DMXL2: variants seen among roughly 807,000 people sequenced by gnomAD.
DMXL2 encodes Dmx like 2.
A neutral mutation model predicts 331.1 loss-of-function variants in DMXL2; 103 were observed. The ratio of observed to expected loss-of-function variants is 0.31; its 90% CI spans 0.27 to 0.37. The LOEUF is 0.37. Among genes scored for constraint, DMXL2 ranks in the 10% least tolerant of loss-of-function variants. The pLI is 1.00. For missense variants in DMXL2, 3,171 were observed against 3,642.9 expected (o/e 0.87, Z 3.33); for synonymous variants, 1,281 against 1,252.1 (o/e 1.02, Z -0.49).
intron 15 of DMXL2, 81 bp from the exon 16 acceptor site, chr15:51,507,334 C>G (rs2046465096): frequency 4.6e-6 from 6 of 1,314,364 alleles, no homozygotes; most frequent in Non-Finnish European, 6.2e-6. Flanking sequence ...CTACCACCAC[C>G]TCTTGATATG....
intron 19 of DMXL2, among the ~76,000 whole-genome samples, chr15:51,493,833 A>G (rs527816277): frequency 1.3e-5 from 2 of 152,362 alleles, no homozygotes; most frequent in South Asian, 4.1e-4. Flanking sequence ...TCCAAATGGC[A>G]TAGATTGCTT....
intron 1 of DMXL2, among the ~76,000 whole-genome samples, chr15:51,599,402 G>T (rs987820095): frequency 6.6e-6 from 1 of 152,088 alleles, no homozygotes; most frequent in African/African-American, 2.4e-5. Flanking sequence ...AAATGTGTGT[G>T]TATGTTTATG....
At chr15:51,588,116 G>A (rs556537060) in intron 1 of DMXL2, among the ~76,000 whole-genome samples, 3 of 150,354 alleles carry the variant, frequency 2.0e-5, no homozygotes, top group Non-Finnish European at 3.0e-5. Flanking sequence ...CCATTCTGTA[G>A]GTCGCCTGTT....
intron 9 of DMXL2, among the ~76,000 whole-genome samples, chr15:51,541,684 A>C (rs1297059684): frequency 6.6e-6 from 1 of 152,132 alleles, no homozygotes; most frequent in African/African-American, 2.4e-5. Flanking sequence ...TTTATATAAA[A>C]CTTTATATAG....
chr15:51,456,217 G>A (rs1421516078), intron 38 of DMXL2, 24 bp from the exon 39 acceptor site: 4 of 1,604,062 alleles, frequency 2.5e-6, no homozygotes, highest in African/African-American at 1.3e-5. Context: ...GAAAAAGCAG[G>A]AAATAAGAAA....
rs76915085 is a variant in DMXL2, at chr15:51,578,691, T to C, written c.88-2510A>G. 2.6e-3 allele frequency among the ~76,000 whole-genome samples: 396 copies of C among 152,318 alleles called. 18 individuals are homozygous for C. In the East Asian group the frequency reaches 0.062, roughly 24 times the overall value. ...ATATATACAAAAGTTTGCCAAAATA[T>C]ATGTAGGACATTCAGAGCCTCAGTA... On this transcript the variant is annotated intron_variant, in intron 1 of 43. Transcript: ENST00000560891.
chr15:51,513,895 T>C (rs2046893300), intron 15 of DMXL2, among the ~76,000 whole-genome samples: 1 of 152,158 alleles, frequency 6.6e-6, no homozygotes, highest in Admixed American at 6.5e-5. Context: ...TTATAAAGTT[T>C]AAACTAAACG....
chr15:51,544,140 A>T (rs2048760555), intron 8 of DMXL2, among the ~76,000 whole-genome samples: 1 of 152,226 alleles, frequency 6.6e-6, no homozygotes, highest in African/African-American at 2.4e-5. Context: ...ACAGTGATAT[A>T]GTTTAGATAC....
rs1205039930 is a variant in DMXL2, at chr15:51,500,084, T to C, written c.3140A>G (p.His1047Arg). The change falls in exon 18 of 44, where the codon CAT becomes CGT. Residue 1047 changes from histidine (H) to arginine (R), a missense_variant. Transcript: ENST00000560891. ...ATTCATCAAAGGCCATCTCTTCCAA[T>C]GATAAATTTCTTTCTCATCACTTTT... ...CNKSDEKEIY[H>R]WKRWPLMNDE... 2.5e-6 allele frequency: 4 copies of C among 1,614,098 alleles called. No individual in the cohort carries two copies. The highest frequency in any genetic ancestry group is 2.2e-5 in the East Asian group (1 of 44,898).
chr15:51,585,381 G>A (rs1392358422), intron 1 of DMXL2, among the ~76,000 whole-genome samples: 1 of 151,790 alleles, frequency 6.6e-6, no homozygotes, highest in Non-Finnish European at 1.5e-5. Context: ...CATCTATTGA[G>A]ATAATCATGT....
chr15:51,516,966 T>C (rs2047069982), intron 14 of DMXL2, 112 bp downstream of exon 14: 1 of 833,192 alleles, frequency 1.2e-6, no homozygotes, highest in Non-Finnish European at 2.0e-6. Context: ...ATAAGTTGTC[T>C]GCATTTAATA....
rs557085285 is a variant in DMXL2, at chr15:51,482,519, A to C, written c.5483-896T>G. On this transcript the variant is annotated intron_variant, in intron 23 of 43. Coordinates refer to ENST00000560891, the MANE Select transcript of DMXL2 (RefSeq NM_001378457.1). ...AAAATTTCCTAATTCCATTCATTGC[A>C]ATAGTCTAGAAATTATGACAAGATT... 4.3e-4 allele frequency among the ~76,000 whole-genome samples: 65 copies of C among 152,318 alleles called. 1 individual carries two copies. The highest frequency in any genetic ancestry group is 7.8e-4 in the Non-Finnish European group (53 of 68,022).
At chr15:51,575,287 C>T (rs1460639012) in intron 2 of DMXL2, among the ~76,000 whole-genome samples, 1 of 151,964 alleles carries the variant, frequency 6.6e-6, no homozygotes, top group Non-Finnish European at 1.5e-5. Flanking sequence ...TTAACATACT[C>T]TTGATCAAAT....
intron 29 of DMXL2, among the ~76,000 whole-genome samples, chr15:51,467,729 CT>C (rs71873179): frequency 0.013 from 1,894 of 142,942 alleles, 20 homozygotes; most frequent in East Asian, 0.025. Flanking sequence ...CCTAGTACTT[CT>C]TTTTTTTTTT....
Position 51,560,691 on chromosome 15 carries a change from A to G in DMXL2, c.567+2690T>C, listed in dbSNP as rs947891660. On this transcript the variant is annotated intron_variant, in intron 6 of 43. Transcript: ENST00000560891. ...CTCAAAAAAAAAAAAAAGAAAAGAAAAAAAAGAAAAACACAAACTCTGTTA... is the reference window on the plus strand; with the variant it reads ...CTCAAAAAAAAAAAAAAGAAAAGAAGAAAAAGAAAAACACAAACTCTGTTA... Among the ~76,000 whole-genome samples, 30 of 151,154 alleles carry G rather than the reference A, an allele frequency of 2.0e-4. 1 individual carries two copies.
In DMXL2 at chr15:51,481,109, T is replaced by C. The variant is rs754293857; in HGVS notation, c.5997A>G (p.Lys1999=). Residue 1999 remains lysine (K), a synonymous_variant, in exon 24 of 44, where the codon AAA becomes AAG. Transcript: ENST00000560891. ...TATCTTTTTCCCTGGCATCTGTACT[T>C]TTCATCACTAAACCAACAGCATCGT... is the stretch of plus-strand genomic sequence containing the variant. The part of the protein sequence containing the change: ...EEDDAVGLVM[K]STDAREKDKQ... The C allele has an allele frequency of 4.3e-6, 7 of 1,612,688 alleles. No homozygotes were observed. The African/African-American group carries it at 8.0e-5, about 18-fold the overall frequency.
chr15:51,452,088 G>A (rs1016215913), intron 41 of DMXL2, among the ~76,000 whole-genome samples: 15 of 152,198 alleles, frequency 9.9e-5, no homozygotes, highest in African/African-American at 3.1e-4. Context: ...GATGGGGACA[G>A]TGTCAAATAC....
intron 1 of DMXL2, among the ~76,000 whole-genome samples, chr15:51,585,894 A>G (rs1030788915): frequency 6.6e-6 from 1 of 152,116 alleles, no homozygotes; most frequent in African/African-American, 2.4e-5. Context: ...CTACAAACAA[A>G]CCCTTACCAT....
Position 51,488,760 on chromosome 15 carries a change from A to G in DMXL2, c.4954-115T>C, listed in dbSNP as rs147336809. On this transcript the variant is annotated intron_variant, in intron 20 of 43. Coordinates refer to ENST00000560891, the MANE Select transcript of DMXL2 (RefSeq NM_001378457.1). ...GCTGATAGAAACTGTGGAGACAGAAAAAGTTGGTTCTGTTTCACAATCTCC... is the reference window on the plus strand; with the variant it reads ...GCTGATAGAAACTGTGGAGACAGAAGAAGTTGGTTCTGTTTCACAATCTCC... 4.5e-4 allele frequency: 404 copies of G among 899,758 alleles called. 2 individuals carry two copies. The African/African-American group carries it at 6.3e-3, about 14-fold the overall frequency. The allele number at this position is 899,758 out of a possible 1,614,324, so 55.7% of individuals were successfully genotyped here. A position where few individuals can be genotyped will look rare whatever the true frequency, so the allele number is the denominator to read the frequency against.
Sources: gnomAD v4.1 joint callset for allele counts (sites outside exome capture counted in the v4.1 genomes callset) on GRCh38, gnomAD v4.1.1 for gene constraint, MANE v1.5 for transcripts, NCBI Gene and HGNC (gene_info 2026-07-23, HGNC 2026-07-21) for gene names.